AFF3: variants seen among roughly 807,000 people sequenced by gnomAD.
The protein encoded by AFF3 is ALF transcription elongation factor 3.
A neutral mutation model predicts 129.7 loss-of-function variants in AFF3; 32 were observed. The observed-to-expected ratio is 0.25, with a 90% confidence interval of 0.19 to 0.33. The LOEUF is 0.33. Among genes scored for constraint, AFF3 ranks in the 10% least tolerant of loss-of-function variants. AFF3 has a pLI of 1.00. For synonymous variants in AFF3, 644 were observed against 635.4 expected (o/e 1.01, Z -0.20); for missense variants, 1,373 against 1,592.0 (o/e 0.86, Z 2.34).
At chr2:99,668,466 C>A (rs6712722) in intron 12 of AFF3, among the ~76,000 whole-genome samples, 1 of 151,492 alleles carries the variant, frequency 6.6e-6, no homozygotes, top group African/African-American at 2.4e-5. Context: ...CACCACACCC[C>A]GCCGGGAAAT....
intron 7 of AFF3, among the ~76,000 whole-genome samples, chr2:99,898,171 T>C (rs1235795170): frequency 6.6e-6 from 1 of 152,262 alleles, no homozygotes; most frequent in Non-Finnish European, 1.5e-5. Context: ...GGAAGATGTC[T>C]GAGTGCTCAT....
At chr2:99,703,092 C>T (rs1280466871) in intron 11 of AFF3, among the ~76,000 whole-genome samples, 1 of 152,198 alleles carries the variant, frequency 6.6e-6, no homozygotes, top group African/African-American at 2.4e-5. Flanking sequence ...AGTATATTTA[C>T]CATTCTGCAG....
At chr2:99,690,447 C>G (rs1315308616) in intron 11 of AFF3, among the ~76,000 whole-genome samples, 1 of 152,008 alleles carries the variant, frequency 6.6e-6, no homozygotes, top group Non-Finnish European at 1.5e-5. Flanking sequence ...TCCCAAAGTG[C>G]TGGGATTACA....
intron 8 of AFF3, among the ~76,000 whole-genome samples, chr2:99,828,400 G>A (rs1015945502): frequency 6.6e-6 from 1 of 152,194 alleles, no homozygotes; most frequent in Non-Finnish European, 1.5e-5. Flanking sequence ...CTGCCTGGAG[G>A]GGTCCGCGAT....
chr2:99,689,289 G>T (rs781165264), intron 11 of AFF3, among the ~76,000 whole-genome samples: 1 of 152,106 alleles, frequency 6.6e-6, no homozygotes, highest in African/African-American at 2.4e-5. Flanking sequence ...TCAGCTGACT[G>T]CAGCTGCTGC....
intron 7 of AFF3, among the ~76,000 whole-genome samples, chr2:99,948,021 C>T (rs1675799665): frequency 1.3e-5 from 2 of 152,124 alleles, no homozygotes; most frequent in Admixed American, 6.6e-5. Flanking sequence ...GCACTGAATG[C>T]TTTTAAGCCA....
chr2:99,587,252 C>A lies in AFF3; in HGVS notation c.2493G>T (p.Glu831Asp). ...CTTTCTCTCCCTGGGACTTCTTGAT[C>A]TCCCTGTAGTCGTCTTCGTTGTCAC... ...RKCDNEDDYR[E>D]IKKSQGEKDS... The change falls in exon 16 of 25, where the codon GAG becomes GAT. Residue 831 changes from glutamate to aspartate, a missense_variant. Glu to Asp is a conservative substitution (Grantham distance 45). Coordinates refer to ENST00000672756, the MANE Select transcript of AFF3 (RefSeq NM_001386135.1). 4.3e-6 allele frequency: 7 copies of A among 1,614,162 alleles called. No homozygotes were observed. Among genetic ancestry groups the A allele is most frequent in the Non-Finnish European group, 5.9e-6 (7 of 1,180,014 alleles).
chr2:99,569,364 A>G (rs943310263), intron 18 of AFF3, among the ~76,000 whole-genome samples: 5 of 152,334 alleles, frequency 3.3e-5, no homozygotes, highest in Non-Finnish European at 5.9e-5. Flanking sequence ...ATTTATATGC[A>G]TATCTAGTAC....
intron 11 of AFF3, among the ~76,000 whole-genome samples, chr2:99,677,894 C>T (rs111334929): frequency 6.6e-6 from 1 of 152,306 alleles, no homozygotes; most frequent in African/African-American, 2.4e-5. Context: ...TCATAGCTCA[C>T]TGCAGCCTTG....
intron 7 of AFF3, among the ~76,000 whole-genome samples, chr2:99,863,243 T>C (rs1691132640): frequency 1.3e-5 from 2 of 152,224 alleles, no homozygotes; most frequent in South Asian, 2.1e-4. Flanking sequence ...ATGGGGAAAA[T>C]GTAAAAATTT....
chr2:99,651,358 G>C (rs1200246215), intron 12 of AFF3, among the ~76,000 whole-genome samples: 2 of 152,126 alleles, frequency 1.3e-5, no homozygotes, highest in Non-Finnish European at 2.9e-5. Context: ...GGGGAGGTCA[G>C]TAGACCAGGC....
intron 7 of AFF3, among the ~76,000 whole-genome samples, chr2:99,933,847 A>G (rs1399354187): frequency 1.3e-5 from 2 of 152,182 alleles, no homozygotes; most frequent in Non-Finnish European, 2.9e-5. Flanking sequence ...ACGAGACTTG[A>G]CATCTGGTAG....
At chr2:99,592,740 C>T (rs1289095634) in intron 15 of AFF3, among the ~76,000 whole-genome samples, 1 of 152,052 alleles carries the variant, frequency 6.6e-6, no homozygotes, top group Non-Finnish European at 1.5e-5. Context: ...TCGAGACCAG[C>T]CCGGCCAACA....
intron 7 of AFF3, among the ~76,000 whole-genome samples, chr2:99,935,901 G>A (rs910911234): frequency 2.3e-4 from 35 of 152,142 alleles, no homozygotes; most frequent in Admixed American, 3.9e-4. Flanking sequence ...AACTGAGACC[G>A]TCTACGTGAA....
At position 99,558,782 on chromosome 2, in the gene AFF3, C is replaced by T. The variant is rs1356475934; in HGVS notation, c.3285+93G>A. ...GGGGACCAGAGGTGACCTGCATTAA[C>T]CCCAAAGCAATGGAGTCTACCAGGT... On this transcript the variant is annotated intron_variant, in intron 22 of 24. Coordinates refer to ENST00000672756, the MANE Select transcript of AFF3 (RefSeq NM_001386135.1). 7 of 1,276,452 alleles carry T rather than the reference C, an allele frequency of 5.5e-6. No homozygotes were observed. The Admixed American group carries it at 5.8e-5, about 11-fold the overall frequency. The allele number at this position is 1,276,452 out of a possible 1,614,324, so 79.1% of individuals were successfully genotyped here.
Position 100,007,141 on chromosome 2 carries a change from T to A in AFF3, c.487+7A>T. 1 of 1,613,820 alleles carries A rather than the reference T, an allele frequency of 6.2e-7. No homozygotes were observed. Among genetic ancestry groups the A allele is most frequent in the South Asian group, 1.1e-5 (1 of 91,052 alleles). ...GTGCAAATCAAGCAACCTGTGCCTG[T>A]GCTTACTTGCTCTCTGTTGGCCGTC... On this transcript the variant is annotated splice_region_variant and intron_variant, in intron 6 of 24. Transcript: ENST00000672756.
At chr2:99,563,402 G>A (rs544628723) in intron 20 of AFF3, among the ~76,000 whole-genome samples, 72 of 151,666 alleles carry the variant, frequency 4.7e-4, no homozygotes, top group Non-Finnish European at 2.4e-4. Flanking sequence ...GTATTAGCCA[G>A]GATGGTCTCA....
intron 1 of AFF3, among the ~76,000 whole-genome samples, chr2:100,138,178 G>A (rs1692708581): frequency 6.6e-6 from 1 of 152,144 alleles, no homozygotes; most frequent in Non-Finnish European, 1.5e-5. Context: ...TTCCTTCTGG[G>A]GATGCCTCAC....
At chr2:99,605,198 G>A (rs922631366) in intron 13 of AFF3, among the ~76,000 whole-genome samples, 4 of 152,164 alleles carry the variant, frequency 2.6e-5, no homozygotes, top group South Asian at 2.1e-4. Flanking sequence ...CTTAAATTAC[G>A]AAATTCACTT....
Sources: gnomAD v4.1 joint callset for allele counts (sites outside exome capture counted in the v4.1 genomes callset) on GRCh38, gnomAD v4.1.1 for gene constraint, MANE v1.5 for transcripts, NCBI Gene and HGNC (gene_info 2026-07-23, HGNC 2026-07-21) for gene names.